CALCR: variants seen among roughly 807,000 people sequenced by gnomAD.
The protein encoded by CALCR is calcitonin receptor.
Under a neutral mutation model 59.5 loss-of-function variants are expected in CALCR, and 47 were observed. That is an observed-to-expected ratio of 0.79 (90% CI 0.63 to 1.01). CALCR has a LOEUF of 1.01. CALCR is among the 50% of genes least tolerant of loss of function. The probability of loss-of-function intolerance (pLI) is 0.00; values close to 1 mark genes in which losing one functional copy is unlikely to be tolerated. For synonymous variants in CALCR, 213 were observed against 211.3 expected, an observed-to-expected ratio of 1.01 and a Z score of -0.07; for missense variants, 566 against 597.1, an observed-to-expected ratio of 0.95 and a Z score of 0.54.
At chr7:93,548,671 G>GAA (rs36087372) in intron 2 of CALCR, among the ~76,000 whole-genome samples, 13,079 of 140,070 alleles carry the variant, frequency 0.093, 652 homozygotes, top group African/African-American at 0.12. Flanking sequence ...AAGAAAAACA[G>GAA]AAAAAAAAAA....
In CALCR at chr7:93,479,346, C is replaced by T. The variant is rs553414291; in HGVS notation, c.205+8G>A. On this transcript the variant is annotated splice_region_variant and intron_variant, in intron 4 of 13. Coordinates refer to ENST00000426151, the MANE Select transcript of CALCR (RefSeq NM_001742.4). The stretch of plus-strand genomic sequence containing the variant: ...CAAACATATGTTCATATATATCCTT[C>T]TCTTTACCTTCTCCTTGGTATGCGG... The T allele has an allele frequency of 7.5e-6, 12 of 1,603,982 alleles. No individual in the cohort carries two copies. In the South Asian group the frequency reaches 1.2e-4, roughly 16 times the overall value.
intron 2 of CALCR, among the ~76,000 whole-genome samples, chr7:93,539,777 A>G (rs1376719381): frequency 6.6e-6 from 1 of 152,172 alleles, no homozygotes; most frequent in Non-Finnish European, 1.5e-5. Flanking sequence ...GGTGTGCCCC[A>G]AGAAGTTAAA....
chr7:93,534,488 T>A (rs539925861), intron 2 of CALCR, among the ~76,000 whole-genome samples: 2 of 149,520 alleles, frequency 1.3e-5, no homozygotes, highest in African/African-American at 4.8e-5. Context: ...CAAAAATAAT[T>A]GTCATGCTTT....
At chr7:93,525,249 A>T (rs1310182316) in intron 2 of CALCR, among the ~76,000 whole-genome samples, 1 of 152,142 alleles carries the variant, frequency 6.6e-6, no homozygotes, top group African/African-American at 2.4e-5. Context: ...AATGCAAAAA[A>T]ATGTTAGGAA....
At chr7:93,568,525 C>T (rs969048694) in intron 2 of CALCR, among the ~76,000 whole-genome samples, 13 of 122,920 alleles carry the variant, frequency 1.1e-4, no homozygotes, top group Admixed American at 9.5e-4. Flanking sequence ...CTCTCTCTCT[C>T]TCTCTCTCTC....
chr7:93,467,926 C>T (rs1226322374), intron 7 of CALCR, among the ~76,000 whole-genome samples: 1 of 151,350 alleles, frequency 6.6e-6, no homozygotes, highest in African/African-American at 2.4e-5. Context: ...AACATTTTTA[C>T]TGAACCGTGG....
intron 2 of CALCR, among the ~76,000 whole-genome samples, chr7:93,572,870 T>G (rs1790038697): frequency 6.6e-6 from 1 of 152,234 alleles, no homozygotes; most frequent in Admixed American, 6.5e-5. Context: ...ACTTATTGTG[T>G]TGATGTAGCC....
intron 13 of CALCR, among the ~76,000 whole-genome samples, chr7:93,433,697 C>T (rs973722653): frequency 2.6e-5 from 4 of 152,194 alleles, no homozygotes; most frequent in African/African-American, 9.7e-5. Context: ...GAAAGGGTAA[C>T]TCTGGCTAAA....
chr7:93,557,315 T>G (rs1421941315), intron 2 of CALCR, among the ~76,000 whole-genome samples: 2 of 151,762 alleles, frequency 1.3e-5, no homozygotes, highest in Non-Finnish European at 2.9e-5. Context: ...ATATTTATGG[T>G]ATGCAACTTT....
At chr7:93,531,770 A>G (rs1343451630) in intron 2 of CALCR, among the ~76,000 whole-genome samples, 6 of 152,086 alleles carry the variant, frequency 3.9e-5, no homozygotes, top group Non-Finnish European at 7.4e-5. Flanking sequence ...AAAGTCCCCT[A>G]GCTTAGGATA....
chr7:93,438,106 G>A lies in CALCR; in HGVS notation c.884C>T (p.Thr295Ile), dbSNP rs1179642227. 1.2e-6 allele frequency: 2 copies of A among 1,613,884 alleles called. No homozygotes were observed. Among genetic ancestry groups the A allele is most frequent in the Non-Finnish European group, 1.7e-6 (2 of 1,179,876 alleles). ...TCCATGGATTATGTAAAGCAAATGG[G>A]TTTCCACACTCAGCCAGCAGCTGAA... ...FNDNCWLSVETHLLYIIHGPV... is the reference protein window; with the variant it reads ...FNDNCWLSVEIHLLYIIHGPV... The change falls in exon 11 of 14, where the codon ACC (threonine) becomes ATC (isoleucine). Residue 295 changes from threonine to isoleucine, a missense_variant. Physicochemically the swap from Thr to Ile is moderately conservative, Grantham distance 89. Coordinates refer to ENST00000426151, the MANE Select transcript of CALCR (RefSeq NM_001742.4).
chr7:93,454,043 A>G lies in CALCR; in HGVS notation c.648+6778T>C, dbSNP rs577721387. ...TTTCGTTCCCAATCTAGTTTTTTCC[A>G]TAAGCTACTGAAATAGATCATTTCA... On this transcript the variant is annotated intron_variant, in intron 8 of 13. Transcript: ENST00000426151. Among the ~76,000 whole-genome samples, 38 of 152,080 alleles carry G rather than the reference A, an allele frequency of 2.5e-4. 1 individual carries two copies. The highest frequency in any genetic ancestry group is 4.7e-4 in the Non-Finnish European group (32 of 67,970).
intron 8 of CALCR, among the ~76,000 whole-genome samples, chr7:93,454,957 T>TGTGTGTG (rs549186320): frequency 6.8e-6 from 1 of 146,856 alleles, no homozygotes; most frequent in East Asian, 2.0e-4. Context: ...TGTGTGTGTG[T>TGTGTGTG]TTTCCTTACC....
At chr7:93,502,326 C>T (rs1262841650) in intron 2 of CALCR, among the ~76,000 whole-genome samples, 1 of 152,014 alleles carries the variant, frequency 6.6e-6, no homozygotes, top group Non-Finnish European at 1.5e-5. Context: ...AGTCAATAAG[C>T]GGCAGAGACA....
intron 7 of CALCR, among the ~76,000 whole-genome samples, chr7:93,463,861 T>C (rs534592164): frequency 1.3e-5 from 2 of 152,018 alleles, no homozygotes; most frequent in Admixed American, 6.6e-5. Flanking sequence ...ATTCCCTTTA[T>C]GAAAAAAACA....
At chr7:93,572,970 A>G (rs560586589) in intron 2 of CALCR, among the ~76,000 whole-genome samples, 42 of 152,312 alleles carry the variant, frequency 2.8e-4, no homozygotes, top group African/African-American at 9.1e-4. Flanking sequence ...GAGGCATTGA[A>G]CCAGAACAAA....
At chr7:93,523,723 G>A (rs1801812448) in intron 2 of CALCR, among the ~76,000 whole-genome samples, 1 of 151,842 alleles carries the variant, frequency 6.6e-6, no homozygotes, top group Non-Finnish European at 1.5e-5. Context: ...TTTAAGTCCA[G>A]GATTTTTTTC....
chr7:93,506,217 C>T (rs559772600), intron 2 of CALCR, among the ~76,000 whole-genome samples: 3 of 152,176 alleles, frequency 2.0e-5, no homozygotes, highest in Non-Finnish European at 4.4e-5. Context: ...AATGATGCCG[C>T]TTCACTAGGT....
At chr7:93,452,805 A>G (rs1389084891) in intron 8 of CALCR, among the ~76,000 whole-genome samples, 1 of 151,750 alleles carries the variant, frequency 6.6e-6, no homozygotes, top group Non-Finnish European at 1.5e-5. Flanking sequence ...ACAGAAGTGT[A>G]GGCTCTACAC....
Sources: gnomAD v4.1 joint callset for allele counts (sites outside exome capture counted in the v4.1 genomes callset) on GRCh38, gnomAD v4.1.1 for gene constraint, MANE v1.5 for transcripts, NCBI Gene and HGNC (gene_info 2026-07-23, HGNC 2026-07-21) for gene names.